The following JPH4 variants were observed in gnomAD, a reference collection of about 807,000 sequenced individuals.
JPH4 encodes junctophilin 4, also known as junctophilin-4.
JPH4 carries 18 observed loss-of-function variants against 57.6 expected under a neutral mutation model. That is an observed-to-expected ratio of 0.31 (90% CI 0.22 to 0.46). The LOEUF (loss-of-function observed/expected upper bound fraction) is 0.46, where lower values mean the gene tolerates loss of function less well. Among genes scored for constraint, JPH4 ranks in the 20% least tolerant of loss-of-function variants. JPH4 has a pLI of 1.00. For missense variants in JPH4, 727 were observed against 911.1 expected (o/e 0.80, Z 2.60); for synonymous variants, 425 against 406.6 (o/e 1.05, Z -0.54).
At position 23,577,667 on chromosome 14, in the gene JPH4, C is replaced by T. The variant is rs914596012; in HGVS notation, c.-171-43G>A. 3.1e-5 allele frequency: 13 copies of T among 416,822 alleles called. No individual in the cohort carries two copies. Among genetic ancestry groups the T allele is most frequent in the Non-Finnish European group, 5.1e-5 (12 of 237,490 alleles). 25.8% of individuals were successfully genotyped at this position (416,822 alleles called of 1,614,324 possible). A position where few individuals can be genotyped will look rare whatever the true frequency, so the allele number is the denominator to read the frequency against. On this transcript the variant is annotated intron_variant, in intron 1 of 5. Transcript: ENST00000356300. This position sits in a 1 kb window ranked among gnomAD's most constrained non-coding sequence, Gnocchi z 8.4. ...GGGGGGCAAGTGGCGAGAGAGGCCC[C>T]TCCTCTTTGCCCGCCGCTCCCTGGC...
Position 23,577,713 on chromosome 14 carries a change from G to T in JPH4, c.-171-89C>A. 2.7e-6 allele frequency: 1 copy of T among 373,890 alleles called. No homozygotes were observed. 23.2% of individuals were successfully genotyped at this position (373,890 alleles called of 1,614,324 possible). A position where few individuals can be genotyped will look rare whatever the true frequency, so the allele number is the denominator to read the frequency against. On this transcript the variant is annotated intron_variant, in intron 1 of 5. Coordinates refer to ENST00000356300, the MANE Select transcript of JPH4 (RefSeq NM_001146028.2). The surrounding 1 kb of genome is among the most constrained non-coding windows in gnomAD (Gnocchi z 8.4). The stretch of plus-strand genomic sequence containing the variant: ...CTGGCCCGGTGGCTCTGGGGCATCA[G>T]CGCCGCCCCCCAATCCACCCCCCTC...
At chr14:23,573,014 C>G (rs946768196) in intron 3 of JPH4, 3 of 697,306 alleles carry the variant, frequency 4.3e-6, no homozygotes, top group Non-Finnish European at 7.9e-6. Flanking sequence ...GGGTGGGGCA[C>G]AAAAGAGCTG....
rs1041565905 is a variant in JPH4 at position 23,577,005 on chromosome 14, G to C, written c.379+70C>G. On this transcript the variant is annotated intron_variant, in intron 2 of 5. Transcript: ENST00000356300. This position sits in a 1 kb window ranked among gnomAD's most constrained non-coding sequence, Gnocchi z 8.4. ...GATGGGCGCAAGGGCGCAAATGGCG[G>C]GCGAAGGCCCAAGGCTGGGGAAGGC... 3.6e-6 allele frequency: 5 copies of C among 1,406,970 alleles called. No homozygotes were observed. In the African/African-American group the frequency reaches 7.5e-5, roughly 21 times the overall value. The allele number at this position is 1,406,970 out of a possible 1,614,324, so 87.2% of individuals were successfully genotyped here.
rs569698914 is a variant in JPH4 at position 23,571,000 on chromosome 14, C to T, written c.1731G>A (p.Ser577=). The part of the protein sequence containing the change: ...IAMLVLRGSS[S]RGPDAGCLTE... ...TCAGGCACCCAGCATCAGGACCCCT[C>T]GAGGACGAGCCCCTCAGGACCAGCA... Residue 577 remains serine (S), a synonymous_variant, in exon 5 of 6, where the codon TCG becomes TCA. Transcript: ENST00000356300. 1.0e-5 allele frequency: 16 copies of T among 1,557,196 alleles called. No individual in the cohort carries two copies. The highest frequency in any genetic ancestry group is 1.9e-5 in the Admixed American group (1 of 53,114).
chr14:23,568,112 G>A lies in JPH4; in HGVS notation c.*1522C>T. 1.6e-5 allele frequency: 16 copies of A among 984,972 alleles called. No homozygotes were observed. Among genetic ancestry groups the A allele is most frequent in the Non-Finnish European group, 1.9e-5 (16 of 829,452 alleles). The allele number at this position is 984,972 out of a possible 1,614,324, so 61.0% of individuals were successfully genotyped here. On this transcript the variant is annotated 3_prime_UTR_variant, in exon 6 of 6. Transcript: ENST00000356300. ...TTTTTTTCCTGCAAGACTTGGTGTT[G>A]GCGGCACTGTTGTAGTTTAACTTCA... is the stretch of plus-strand genomic sequence containing the variant.
chr14:23,577,004 G>T lies in JPH4; in HGVS notation c.379+71C>A, dbSNP rs1054473890. 2.4e-5 allele frequency: 33 copies of T among 1,404,112 alleles called. No homozygotes were observed. Among genetic ancestry groups the T allele is most frequent in the Non-Finnish European group, 3.0e-5 (33 of 1,083,514 alleles). The allele number at this position is 1,404,112 out of a possible 1,614,324, so 87.0% of individuals were successfully genotyped here. On this transcript the variant is annotated intron_variant, in intron 2 of 5. Transcript: ENST00000356300. This position sits in a 1 kb window ranked among gnomAD's most constrained non-coding sequence, Gnocchi z 8.4. ...GGATGGGCGCAAGGGCGCAAATGGC[G>T]GGCGAAGGCCCAAGGCTGGGGAAGG...
rs199588258 is a variant in JPH4, at chr14:23,575,930, C to T, written c.906G>A (p.Gly302=). The T allele has an allele frequency of 2.2e-5, 34 of 1,554,782 alleles. No homozygotes were observed. In the Admixed American group the frequency reaches 2.8e-4, roughly 13 times the overall value. Reference sequence around the variant, plus strand: ...CCAGCCACTCGCCCTCGTAGCGCAGCCCGTTGGAGCGCTGGCTGACGCCGA... The same window carrying T: ...CCAGCCACTCGCCCTCGTAGCGCAGTCCGTTGGAGCGCTGGCTGACGCCGA... ...SGFGVSQRSN[G]LRYEGEWLGN... Residue 302 remains glycine (G), a synonymous_variant, in exon 3 of 6, where the codon GGG becomes GGA. Coordinates refer to ENST00000356300, the MANE Select transcript of JPH4 (RefSeq NM_001146028.2). The surrounding 1 kb of genome is among the most constrained non-coding windows in gnomAD (Gnocchi z 6.9).
chr14:23,572,044 T>C, intron 3 of JPH4, 124 bp from the exon 4 acceptor site: 4 of 840,894 alleles, frequency 4.8e-6, no homozygotes, highest in Non-Finnish European at 7.5e-6. Flanking sequence ...TCTGGAGTCG[T>C]CACCCTTCGC....
chr14:23,574,322 C>T (rs1323729044), intron 3 of JPH4, among the ~76,000 whole-genome samples: 1 of 152,000 alleles, frequency 6.6e-6, no homozygotes, highest in Non-Finnish European at 1.5e-5. Context: ...TTACAGGAAC[C>T]TGCCACCACA....
At position 23,568,364 on chromosome 14, in the gene JPH4, C is replaced by T; in HGVS notation, c.*1270G>A. 3 of 985,812 alleles carry T rather than the reference C, an allele frequency of 3.0e-6. No homozygotes were observed. The highest frequency in any genetic ancestry group is 3.6e-6 in the Non-Finnish European group (3 of 829,908). The allele number at this position is 985,812 out of a possible 1,614,324, so 61.1% of individuals were successfully genotyped here. Reference sequence around the variant, plus strand: ...TCCCCTGGGGACCCTGCAGTCCCCTCTTCCTAGGGCTTCCTGCTCCCAGGG... The same window carrying T: ...TCCCCTGGGGACCCTGCAGTCCCCTTTTCCTAGGGCTTCCTGCTCCCAGGG... On this transcript the variant is annotated 3_prime_UTR_variant, in exon 6 of 6. Transcript: ENST00000356300.
Position 23,569,588 on chromosome 14 carries a change from G to C in JPH4, c.*46C>G, listed in dbSNP as rs745861907. 1 of 1,340,712 alleles carries C rather than the reference G, an allele frequency of 7.5e-7. No homozygotes were observed. The highest frequency in any genetic ancestry group is 1.0e-6 in the Non-Finnish European group (1 of 954,338). The allele number at this position is 1,340,712 out of a possible 1,614,324, so 83.1% of individuals were successfully genotyped here. A position where few individuals can be genotyped will look rare whatever the true frequency, so the allele number is the denominator to read the frequency against. ...AAGAGAAAAAAGGCAGGTCAAAGGGGTGAAGAGGCACGCAACCAAAGCCAG... is the reference window on the plus strand; with the variant it reads ...AAGAGAAAAAAGGCAGGTCAAAGGGCTGAAGAGGCACGCAACCAAAGCCAG... On this transcript the variant is annotated 3_prime_UTR_variant, in exon 6 of 6. Transcript: ENST00000356300. This position sits in a 1 kb window ranked among gnomAD's most constrained non-coding sequence, Gnocchi z 4.8.
Position 23,569,593 on chromosome 14 carries a change from G to A in JPH4, c.*41C>T, listed in dbSNP as rs1397725197. On this transcript the variant is annotated 3_prime_UTR_variant, in exon 6 of 6. Coordinates refer to ENST00000356300, the MANE Select transcript of JPH4 (RefSeq NM_001146028.2). This position sits in a 1 kb window ranked among gnomAD's most constrained non-coding sequence, Gnocchi z 4.8. The stretch of plus-strand genomic sequence containing the variant: ...AAAAAAGGCAGGTCAAAGGGGTGAA[G>A]AGGCACGCAACCAAAGCCAGAACCA... 7.2e-7 allele frequency: 1 copy of A among 1,398,434 alleles called. No homozygotes were observed. Among genetic ancestry groups the A allele is most frequent in the African/African-American group, 1.4e-5 (1 of 70,064 alleles). 86.6% of individuals were successfully genotyped at this position (1,398,434 alleles called of 1,614,324 possible).
At chr14:23,574,462 G>A (rs561934305) in intron 3 of JPH4, among the ~76,000 whole-genome samples, 215 of 152,244 alleles carry the variant, frequency 1.4e-3, no homozygotes, top group Non-Finnish European at 1.2e-3. Context: ...ATGAGCCACC[G>A]TGCCCGGCCT....
intron 3 of JPH4, among the ~76,000 whole-genome samples, chr14:23,574,662 G>T (rs904255774): frequency 6.6e-6 from 1 of 152,158 alleles, no homozygotes; most frequent in African/African-American, 2.4e-5. Flanking sequence ...GGAGCTGCAG[G>T]TTTCAAAGAC....
At chr14:23,573,389 G>T (rs552377585) in intron 3 of JPH4, among the ~76,000 whole-genome samples, 1 of 152,332 alleles carries the variant, frequency 6.6e-6, no homozygotes, top group Non-Finnish European at 1.5e-5. Flanking sequence ...CCTGCCTCTG[G>T]CCCTTCAGTG....
chr14:23,576,102 C>G lies in JPH4; in HGVS notation c.734G>C (p.Arg245Pro). The G allele has an allele frequency of 2.3e-6, 3 of 1,299,978 alleles. No individual in the cohort carries two copies. Among genetic ancestry groups the G allele is most frequent in the Non-Finnish European group, 2.9e-6 (3 of 1,027,124 alleles). 80.5% of individuals were successfully genotyped at this position (1,299,978 alleles called of 1,614,324 possible). ...GCCCACCTCGCTGCTCACCTCGCTG[C>G]GCAGGGAGCCTCGCTTGCTGCCCAG... ...SSLGSKRGSL[R>P]SEVSSEVGST... The change falls in exon 3 of 6, where the codon CGC (arginine) becomes CCC (proline). Residue 245 changes from arginine (R) to proline (P), a missense_variant. Physicochemically the swap from Arg to Pro is moderately radical, Grantham distance 103 (BLOSUM62 -2). This residue lies in a region of JPH4 where 131 missense variants were observed against 156.5 expected (regional missense o/e 0.84). Coordinates refer to ENST00000356300, the MANE Select transcript of JPH4 (RefSeq NM_001146028.2). This position sits in a 1 kb window ranked among gnomAD's most constrained non-coding sequence, Gnocchi z 8.0.
Position 23,571,683 on chromosome 14 carries a change from T to C in JPH4, c.1270+119A>G. 2 of 1,079,804 alleles carry C rather than the reference T, an allele frequency of 1.9e-6. No homozygotes were observed. The highest frequency in any genetic ancestry group is 2.7e-6 in the Non-Finnish European group (2 of 732,052). The allele number at this position is 1,079,804 out of a possible 1,614,324, so 66.9% of individuals were successfully genotyped here. A position where few individuals can be genotyped will look rare whatever the true frequency, so the allele number is the denominator to read the frequency against. On this transcript the variant is annotated intron_variant, in intron 4 of 5. Transcript: ENST00000356300. The surrounding 1 kb of genome is among the most constrained non-coding windows in gnomAD (Gnocchi z 4.6). ...CCACCCTGTGTTCCTTGCACCCTCA[T>C]TCCTTGTTTTTTCCCATCCCCACTT...
chr14:23,574,176 A>AT (rs61343632), intron 3 of JPH4, among the ~76,000 whole-genome samples: 8,608 of 140,914 alleles, frequency 0.061, 696 homozygotes, highest in African/African-American at 0.19. Flanking sequence ...CTTCTTTTAG[A>AT]TTTTTTTTTT....
rs191803477 is a variant in JPH4 at position 23,569,298 on chromosome 14, C to T, written c.*336G>A. On this transcript the variant is annotated 3_prime_UTR_variant, in exon 6 of 6. Transcript: ENST00000356300. This position sits in a 1 kb window ranked among gnomAD's most constrained non-coding sequence, Gnocchi z 4.8. ...GAGGTCTAAAGAAAAGGTGGGAGGG[C>T]GTGGAGCAATGGTCTGACTTAGATT... 3.4e-3 allele frequency: 1,096 copies of T among 320,796 alleles called. 14 individuals carry two copies. Among genetic ancestry groups the T allele is most frequent in the African/African-American group, 0.022 (993 of 44,738 alleles). The allele number at this position is 320,796 out of a possible 1,614,324, so 19.9% of individuals were successfully genotyped here. A position where few individuals can be genotyped will look rare whatever the true frequency, so the allele number is the denominator to read the frequency against.
Sources: gnomAD v4.1 joint callset for allele counts (sites outside exome capture counted in the v4.1 genomes callset) on GRCh38, gnomAD v4.1.1 for gene constraint, gnomAD v4.1.1 regional missense constraint, Gnocchi (gnomAD v3.1) non-coding constraint, MANE v1.5 for transcripts, NCBI Gene and HGNC (gene_info 2026-07-23, HGNC 2026-07-21) for gene names.